RSRC1: variants seen among roughly 807,000 people sequenced by gnomAD.
RSRC1 encodes arginine and serine rich coiled-coil 1, also known as serine/Arginine-related protein 53.
In RSRC1, 39 loss-of-function variants were observed where a neutral mutation model predicts 49.1. That is an observed-to-expected ratio of 0.79 (90% CI 0.61 to 1.04). The LOEUF (loss-of-function observed/expected upper bound fraction) is 1.04. RSRC1 is among the 50% of genes least tolerant of loss of function. The pLI is 0.00. For synonymous variants in RSRC1, 143 were observed against 130.8 expected, an observed-to-expected ratio of 1.09 and a Z score of -0.63; for missense variants, 388 against 402.4, an observed-to-expected ratio of 0.96 and a Z score of 0.31.
chr3:158,294,094 C>T (rs1727095348), intron 4 of RSRC1, among the ~76,000 whole-genome samples: 1 of 152,066 alleles, frequency 6.6e-6, no homozygotes, highest in African/African-American at 2.4e-5. Flanking sequence ...GTCATTATTT[C>T]TTCAAATATT....
chr3:158,189,684 C>T (rs143261696), intron 3 of RSRC1, among the ~76,000 whole-genome samples: 1 of 151,700 alleles, frequency 6.6e-6, no homozygotes, highest in Non-Finnish European at 1.5e-5. Flanking sequence ...AGATTGTTGC[C>T]TTCAGTTGGA....
intron 3 of RSRC1, among the ~76,000 whole-genome samples, chr3:158,145,938 A>G (rs1372662038): frequency 2.0e-5 from 3 of 152,038 alleles, no homozygotes; most frequent in African/African-American, 4.8e-5. Flanking sequence ...TTTGTCTGTT[A>G]TTGGTGTATA....
intron 3 of RSRC1, among the ~76,000 whole-genome samples, chr3:158,197,619 G>C (rs1362548935): frequency 1.3e-5 from 2 of 152,038 alleles, no homozygotes; most frequent in Non-Finnish European, 2.9e-5. Flanking sequence ...GCTTTCTCTT[G>C]TGGGCATTTA....
chr3:158,392,234 GA>G (rs1313555743), intron 6 of RSRC1, among the ~76,000 whole-genome samples: 1 of 152,094 alleles, frequency 6.6e-6, no homozygotes, highest in Admixed American at 6.6e-5. Context: ...AAGAACAAGT[GA>G]AAGCCTTTTA....
intron 8 of RSRC1, among the ~76,000 whole-genome samples, chr3:158,540,947 A>G (rs1712998443): frequency 6.6e-6 from 1 of 152,196 alleles, no homozygotes; most frequent in African/African-American, 2.4e-5. Context: ...GAAGGGAAAT[A>G]AAAGGTGAGC....
chr3:158,286,440 G>A (rs561370199), intron 4 of RSRC1, among the ~76,000 whole-genome samples: 55 of 152,252 alleles, frequency 3.6e-4, no homozygotes, highest in African/African-American at 1.3e-3. Flanking sequence ...ACTTGTTACC[G>A]TGCCTGGCAA....
At chr3:158,264,147 C>T (rs1725043547) in intron 4 of RSRC1, among the ~76,000 whole-genome samples, 1 of 152,148 alleles carries the variant, frequency 6.6e-6, no homozygotes, top group Non-Finnish European at 1.5e-5. Flanking sequence ...TCCAGCCTTT[C>T]AGCTTTTCTC....
intron 7 of RSRC1, among the ~76,000 whole-genome samples, chr3:158,510,775 T>C (rs550622202): frequency 1.3e-5 from 2 of 152,318 alleles, no homozygotes; most frequent in East Asian, 3.9e-4. Flanking sequence ...TGGAATTGAT[T>C]ATTAAGTCTT....
chr3:158,188,581 G>A (rs1033530550), intron 3 of RSRC1, among the ~76,000 whole-genome samples: 1 of 151,874 alleles, frequency 6.6e-6, no homozygotes, highest in Non-Finnish European at 1.5e-5. Context: ...ATCCTAGGCT[G>A]CCTATTGCAT....
chr3:158,402,877 T>C (rs1234882586), intron 6 of RSRC1, among the ~76,000 whole-genome samples: 1 of 151,950 alleles, frequency 6.6e-6, no homozygotes, highest in Non-Finnish European at 1.5e-5. Flanking sequence ...ATTGATATTT[T>C]CTTTAAAGAC....
At position 158,122,248 on chromosome 3, in the gene RSRC1, A is replaced by G. The variant is rs764311400; in HGVS notation, c.144A>G (p.Ser48=). 100 of 1,603,600 alleles carry G rather than the reference A, an allele frequency of 6.2e-5. 1 individual carries two copies. In the South Asian group the frequency reaches 1.0e-3, roughly 17 times the overall value. ...KKGGRKSRSK[S]RSWSRDLQPR... is the part of the protein sequence containing the mutation. ...GAGGAAGGAAATCAAGATCAAAGTCAAGATCTTGGTCCAGAGATCTTCAGC... is the reference window on the plus strand; with the variant it reads ...GAGGAAGGAAATCAAGATCAAAGTCGAGATCTTGGTCCAGAGATCTTCAGC... The change falls in exon 2 of 10, where the codon TCA becomes TCG. Residue 48 remains serine, a synonymous_variant. Coordinates refer to ENST00000611884, the MANE Select transcript of RSRC1 (RefSeq NM_001271838.2).
At chr3:158,380,845 TAGTATC>T (rs1732660808) in intron 6 of RSRC1, among the ~76,000 whole-genome samples, 2 of 152,334 alleles carry the variant, frequency 1.3e-5, no homozygotes, top group Non-Finnish European at 2.9e-5. Flanking sequence ...ATACTTAATG[TAGTATC>T]ATTTCATTCT....
intron 5 of RSRC1, among the ~76,000 whole-genome samples, chr3:158,349,884 G>C (rs1730079): frequency 6.6e-6 from 1 of 151,130 alleles, no homozygotes; most frequent in Non-Finnish European, 1.5e-5. Context: ...TTTTAGTAAA[G>C]ACAGAGTTTC....
intron 3 of RSRC1, among the ~76,000 whole-genome samples, chr3:158,173,676 A>G (rs1348988977): frequency 1.3e-5 from 2 of 152,046 alleles, no homozygotes; most frequent in African/African-American, 4.8e-5. Context: ...TCTCAGCAGC[A>G]TTATTTATAA....
intron 1 of RSRC1, among the ~76,000 whole-genome samples, chr3:158,114,968 C>T (rs972676199): frequency 1.3e-5 from 2 of 152,126 alleles, no homozygotes; most frequent in African/African-American, 4.8e-5. Context: ...TTCCTGTCTT[C>T]CTATTCGAAT....
intron 7 of RSRC1, among the ~76,000 whole-genome samples, chr3:158,522,712 A>G (rs1291533327): frequency 6.6e-6 from 1 of 152,102 alleles, no homozygotes; most frequent in African/African-American, 2.4e-5. Context: ...ATTTGATTTG[A>G]GATCTCTCCA....
At chr3:158,360,636 C>T (rs1444777430) in intron 6 of RSRC1, among the ~76,000 whole-genome samples, 3 of 152,224 alleles carry the variant, frequency 2.0e-5, no homozygotes, top group Non-Finnish European at 4.4e-5. Context: ...CTGGTGTGTC[C>T]ATGCTGCCCC....
At chr3:158,357,222 G>A (rs933881426) in intron 6 of RSRC1, among the ~76,000 whole-genome samples, 17 of 151,958 alleles carry the variant, frequency 1.1e-4, no homozygotes, top group African/African-American at 3.9e-4. Context: ...TTTATTTTGG[G>A]GGGATTTGTT....
At chr3:158,277,344 T>C (rs1725873467) in intron 4 of RSRC1, among the ~76,000 whole-genome samples, 1 of 152,214 alleles carries the variant, frequency 6.6e-6, no homozygotes, top group African/African-American at 2.4e-5. Flanking sequence ...CAGATAGGTA[T>C]TGCCAAATTT....
Sources: allele counts gnomAD v4.1 joint callset (sites outside exome capture counted in the v4.1 genomes callset), GRCh38; gene constraint gnomAD v4.1.1; transcripts MANE v1.5; gene names NCBI Gene and HGNC (gene_info 2026-07-23, HGNC 2026-07-21).